Variants in PPP1R9A observed in about 807,000 individuals in gnomAD.
The protein encoded by PPP1R9A is neurabin-1.
In PPP1R9A, 59 loss-of-function variants were observed where a neutral mutation model predicts 141.9. That is an observed-to-expected ratio of 0.42 (90% CI 0.34 to 0.52). The LOEUF (loss-of-function observed/expected upper bound fraction) is 0.52. Ranked by LOEUF, PPP1R9A falls within the 20% of genes least tolerant of loss-of-function variation. PPP1R9A has a pLI of 0.10. For missense variants in PPP1R9A, 1,444 were observed against 1,611.9 expected (o/e 0.90, Z 1.78); for synonymous variants, 500 against 569.7 (o/e 0.88, Z 1.74).
chr7:95,288,826 T>A, intron 19 of PPP1R9A, 108 bp downstream of exon 19: 1 of 1,312,968 alleles, frequency 7.6e-7, no homozygotes. Context: ...GAGAGGTAAT[T>A]CTCATCAATA....
At chr7:95,137,049 G>T (rs556148674) in intron 4 of PPP1R9A, among the ~76,000 whole-genome samples, 1 of 152,046 alleles carries the variant, frequency 6.6e-6, no homozygotes, top group African/African-American at 2.4e-5. Flanking sequence ...AGGACTTATG[G>T]GCAAAGTTTC....
intron 8 of PPP1R9A, among the ~76,000 whole-genome samples, chr7:95,230,040 G>T (rs1371686945): frequency 6.6e-6 from 1 of 152,072 alleles, no homozygotes; most frequent in African/African-American, 2.4e-5. Context: ...AGCTCCACTG[G>T]GTGCTAGATC....
At chr7:95,214,350 G>A (rs1278326127) in intron 7 of PPP1R9A, 1 of 152,192 alleles carries the variant, frequency 6.6e-6, no homozygotes, top group Non-Finnish European at 1.5e-5. Flanking sequence ...CCCACTTCCA[G>A]GCTCCCTCAT....
At chr7:95,057,667 T>G (rs1435380905) in intron 2 of PPP1R9A, among the ~76,000 whole-genome samples, 1 of 152,160 alleles carries the variant, frequency 6.6e-6, no homozygotes, top group Non-Finnish European at 1.5e-5. Context: ...TTTAAATTCC[T>G]CTCAGATCTC....
chr7:95,232,589 T>A (rs572257156), intron 8 of PPP1R9A, among the ~76,000 whole-genome samples: 1 of 152,226 alleles, frequency 6.6e-6, no homozygotes, highest in Non-Finnish European at 1.5e-5. Context: ...ACAGGCAACC[T>A]ACAGAATGGG....
At chr7:95,255,312 G>C (rs748672943) in intron 12 of PPP1R9A, among the ~76,000 whole-genome samples, 1 of 152,078 alleles carries the variant, frequency 6.6e-6, no homozygotes, top group Non-Finnish European at 1.5e-5. Flanking sequence ...GATATTCCAG[G>C]ATCCTTATGT....
rs373507528 is a variant in PPP1R9A at position 95,120,965 on chromosome 7, C to A, written c.1649+133C>A. 1.4e-4 allele frequency: 163 copies of A among 1,162,326 alleles called. 2 individuals carry two copies. The African/African-American group carries it at 2.3e-3, about 16-fold the overall frequency. The allele number at this position is 1,162,326 out of a possible 1,614,324, so 72.0% of individuals were successfully genotyped here. A position where few individuals can be genotyped will look rare whatever the true frequency, so the allele number is the denominator to read the frequency against. ...TTTCAGGTTTCTCAGATGTGAAAAT[C>A]TTTAAACACTTGAATTATTTTCTGA... On this transcript the variant is annotated intron_variant, in intron 4 of 19. Coordinates refer to ENST00000433360, the MANE Select transcript of PPP1R9A (RefSeq NM_001166160.2).
At chr7:95,127,326 G>T (rs1395300417) in intron 4 of PPP1R9A, among the ~76,000 whole-genome samples, 1 of 151,980 alleles carries the variant, frequency 6.6e-6, no homozygotes, top group East Asian at 1.9e-4. Context: ...AATGTTTTCA[G>T]TATTAAGGTA....
rs541764421 is a variant in PPP1R9A at position 95,013,723 on chromosome 7, A to G, written c.1396-97536A>G. Among the ~76,000 whole-genome samples, 17 of 152,256 alleles carry G rather than the reference A, an allele frequency of 1.1e-4. No homozygotes were observed. The South Asian group carries it at 3.5e-3, about 32-fold the overall frequency. On this transcript the variant is annotated intron_variant, in intron 2 of 19. Coordinates refer to ENST00000433360, the MANE Select transcript of PPP1R9A (RefSeq NM_001166160.2). ...AAATTATTTAGTTTGGTTTGCTACC[A>G]GTGCAAAAAGAAATTTTTCAGTTCA...
intron 2 of PPP1R9A, among the ~76,000 whole-genome samples, chr7:95,006,089 A>T (rs1237004657): frequency 6.6e-6 from 1 of 152,080 alleles, no homozygotes; most frequent in Non-Finnish European, 1.5e-5. Flanking sequence ...TTCTCTCTGT[A>T]GCCTTATTTG....
intron 2 of PPP1R9A, among the ~76,000 whole-genome samples, chr7:95,033,912 C>T (rs1563147382): frequency 6.6e-6 from 1 of 152,140 alleles, no homozygotes; most frequent in Non-Finnish European, 1.5e-5. Context: ...GCACTATCTT[C>T]ATTGCTATTT....
chr7:95,139,810 TAAAAA>T (rs1177269547), intron 4 of PPP1R9A, among the ~76,000 whole-genome samples: 1 of 95,336 alleles, frequency 1.0e-5, no homozygotes, highest in Non-Finnish European at 2.3e-5. Flanking sequence ...AGCAAAACAT[TAAAAA>T]AAAAAAAAAA....
chr7:95,069,983 A>T (rs1336017945), intron 2 of PPP1R9A, among the ~76,000 whole-genome samples: 1 of 152,198 alleles, frequency 6.6e-6, no homozygotes, highest in Non-Finnish European at 1.5e-5. Flanking sequence ...TTGAGCCTAC[A>T]ACCATAAAAT....
chr7:95,164,997 C>T (rs182994867), intron 5 of PPP1R9A, among the ~76,000 whole-genome samples: 14 of 152,226 alleles, frequency 9.2e-5, no homozygotes, highest in Admixed American at 3.9e-4. Flanking sequence ...CCCCAAAAAA[C>T]TCCATGTCAC....
intron 5 of PPP1R9A, among the ~76,000 whole-genome samples, chr7:95,174,191 G>A (rs1832571275): frequency 6.6e-6 from 1 of 151,874 alleles, no homozygotes; most frequent in African/African-American, 2.4e-5. Flanking sequence ...TGATATGAAG[G>A]AACAAACTAC....
intron 8 of PPP1R9A, among the ~76,000 whole-genome samples, chr7:95,239,819 TAAG>T (rs1311904669): frequency 7.3e-5 from 11 of 151,716 alleles, no homozygotes; most frequent in African/African-American, 2.2e-4. Context: ...AATTAAAAAT[TAAG>T]AACAAAATAT....
chr7:95,009,845 T>TA (rs1370177019), intron 2 of PPP1R9A, among the ~76,000 whole-genome samples: 2 of 152,186 alleles, frequency 1.3e-5, no homozygotes, highest in African/African-American at 4.8e-5. Context: ...CAGAATGGCT[T>TA]AGCAGGAAAG....
chr7:95,236,427 T>C (rs1278130876), intron 8 of PPP1R9A, among the ~76,000 whole-genome samples: 2 of 152,054 alleles, frequency 1.3e-5, no homozygotes, highest in Non-Finnish European at 2.9e-5. Context: ...ATTATTACTC[T>C]GTTCAAGTTT....
chr7:95,135,809 G>A lies in PPP1R9A; in HGVS notation c.1649+14977G>A, dbSNP rs568998603. Among the ~76,000 whole-genome samples the A allele has an allele frequency of 3.5e-3, 500 of 144,760 alleles. 2 individuals are homozygous for A. The highest frequency in any genetic ancestry group is 0.012 in the African/African-American group (474 of 39,080). The allele number at this position is 144,760 out of a possible 152,430, so 95.0% of individuals were successfully genotyped here. A position where few individuals can be genotyped will look rare whatever the true frequency, so the allele number is the denominator to read the frequency against. ...ATCCTTTCACTTCATGAAAGTATGT[G>A]ACAGTGATTATCTTTCTGTTTGAGA... On this transcript the variant is annotated intron_variant, in intron 4 of 19. Transcript: ENST00000433360.
Sources: gnomAD v4.1 joint callset for allele counts (sites outside exome capture counted in the v4.1 genomes callset) on GRCh38, gnomAD v4.1.1 for gene constraint, MANE v1.5 for transcripts, NCBI Gene and HGNC (gene_info 2026-07-23, HGNC 2026-07-21) for gene names.